RNF43: variants seen among roughly 807,000 people sequenced by gnomAD.
RNF43 encodes E3 ubiquitin-protein ligase RNF43.
In RNF43, 37 loss-of-function variants were observed where a neutral mutation model predicts 78.4. That is an observed-to-expected ratio of 0.47 (90% CI 0.36 to 0.62). The LOEUF is 0.62. Ranked by LOEUF, RNF43 falls within the 20% of genes least tolerant of loss-of-function variation. The pLI, the probability that RNF43 is intolerant of heterozygous loss-of-function variation, is 0.00. For synonymous variants in RNF43, 347 were observed against 395.0 expected, an observed-to-expected ratio of 0.88 and a Z score of 1.44; for missense variants, 774 against 1,007.9, an observed-to-expected ratio of 0.77 and a Z score of 3.14.
At chr17:58,362,420 T>C in intron 6 of RNF43, 124 bp downstream of exon 6, 1 of 583,666 alleles carries the variant, frequency 1.7e-6, no homozygotes, top group South Asian at 2.4e-5. Flanking sequence ...GACGCTGGGG[T>C]ATTTTGATGT....
intron 2 of RNF43, among the ~76,000 whole-genome samples, chr17:58,403,570 T>C (rs557333448): frequency 6.6e-6 from 1 of 152,280 alleles, no homozygotes; most frequent in South Asian, 2.1e-4. Context: ...GTGTCTACTG[T>C]ATGGCCCTCA....
chr17:58,409,485 A>G (rs973380745), intron 2 of RNF43, among the ~76,000 whole-genome samples: 1 of 152,244 alleles, frequency 6.6e-6, no homozygotes, highest in Admixed American at 6.5e-5. Flanking sequence ...CTTTCCAATG[A>G]ACAAAATGTA....
chr17:58,359,558 C>G (rs938895673), intron 8 of RNF43, among the ~76,000 whole-genome samples: 1 of 150,992 alleles, frequency 6.6e-6, no homozygotes, highest in Non-Finnish European at 1.5e-5. Flanking sequence ...GAGCCAAGAT[C>G]GCGCCACTGC....
rs1475113197 is a variant in RNF43 at position 58,357,671 on chromosome 17, C to T, written c.2105G>A (p.Gly702Glu). Residue 702 changes from glycine to glutamate, a missense_variant, in exon 9 of 10, where the codon GGA (glycine) becomes GAA (glutamate). Coordinates refer to ENST00000407977, the MANE Select transcript of RNF43 (RefSeq NM_017763.6). This position sits in a 1 kb window ranked among gnomAD's most constrained non-coding sequence, Gnocchi z 4.5. The stretch of plus-strand genomic sequence containing the variant: ...CAGCCTCTTGTCCAGGCCTGGAGGT[C>T]CACAGATCAAGGGGTGTGCCTCTGG... Reference protein sequence around the residue: ...WSPEAHPLICGPPGLDKRLLP... With the variant: ...WSPEAHPLICEPPGLDKRLLP... 2 of 1,613,122 alleles carry T rather than the reference C, an allele frequency of 1.2e-6. No homozygotes were observed. Among genetic ancestry groups the T allele is most frequent in the Admixed American group, 1.7e-5 (1 of 59,944 alleles).
intron 9 of RNF43, among the ~76,000 whole-genome samples, chr17:58,355,207 CA>C (rs1972663321): frequency 1.3e-5 from 2 of 152,276 alleles, no homozygotes; most frequent in South Asian, 4.1e-4. Context: ...AGTGTGTTAC[CA>C]ATACTTACTA....
chr17:58,380,469 A>G (rs756292484), intron 2 of RNF43, among the ~76,000 whole-genome samples: 1 of 152,194 alleles, frequency 6.6e-6, no homozygotes, highest in Non-Finnish European at 1.5e-5. Context: ...AACAGCCTTG[A>G]CACAGTTTGC....
chr17:58,391,313 C>T (rs1455498084), intron 2 of RNF43, among the ~76,000 whole-genome samples: 2 of 152,196 alleles, frequency 1.3e-5, no homozygotes, highest in Non-Finnish European at 2.9e-5. Context: ...TCAGGGATCC[C>T]ACCTCTCCAC....
downstream of RNF43, chr17:58,353,638 A>G (rs1159540402): frequency 4.8e-6 from 1 of 209,670 alleles, no homozygotes. Context: ...ACCCTGAGTG[A>G]CAGTCACGAC....
chr17:58,399,698 G>C (rs907666986), intron 2 of RNF43, among the ~76,000 whole-genome samples: 1 of 151,466 alleles, frequency 6.6e-6, no homozygotes, highest in Non-Finnish European at 1.5e-5. Context: ...CTGGAGTGCA[G>C]TGGTGCCATC....
chr17:58,416,550 T>G (rs1192330028), intron 1 of RNF43: 1 of 152,242 alleles, frequency 6.6e-6, no homozygotes, highest in African/African-American at 2.4e-5. Flanking sequence ...CATGAGATGC[T>G]TTTGGAAACT....
intron 3 of RNF43, among the ~76,000 whole-genome samples, chr17:58,367,234 C>G (rs532754555): frequency 6.6e-6 from 1 of 151,958 alleles, no homozygotes; most frequent in Non-Finnish European, 1.5e-5. Flanking sequence ...CTCCTGACCT[C>G]GTGATCCACC....
chr17:58,371,386 T>C (rs1416352762), intron 2 of RNF43, among the ~76,000 whole-genome samples: 3 of 152,222 alleles, frequency 2.0e-5, no homozygotes, highest in African/African-American at 4.8e-5. Flanking sequence ...CCCCAGCCTC[T>C]CTACCTCCTG....
chr17:58,409,398 C>T (rs1973977542), intron 2 of RNF43, among the ~76,000 whole-genome samples: 1 of 151,972 alleles, frequency 6.6e-6, no homozygotes, highest in African/African-American at 2.4e-5. Flanking sequence ...TCATCTATAA[C>T]ATTTTAAAAA....
In RNF43 at chr17:58,354,817, T is replaced by C. The variant is rs567956991; in HGVS notation, c.*126A>G. The stretch of plus-strand genomic sequence containing the variant: ...ATCACCAGTCCTCTTCCAGTGCTTC[T>C]AGGAAGTACGGCAAAAAGAATGGTG... On this transcript the variant is annotated 3_prime_UTR_variant, in exon 10 of 10. Transcript: ENST00000407977. The C allele has an allele frequency of 3.4e-6, 3 of 875,912 alleles. No homozygotes were observed. In the South Asian group the frequency reaches 4.2e-5, roughly 12 times the overall value. The allele number at this position is 875,912 out of a possible 1,614,324, so 54.3% of individuals were successfully genotyped here.
rs2143418928 is a variant in RNF43, at chr17:58,358,537, T to A, written c.1239A>T (p.Ala413=). ...QRLAGAQHPY[A]QGWGLSHLQS... ...GGAGGTGGCTCAGTCCCCAGCCTTG[T>A]GCATAGGGGTGCTGGGCTCCTGCCA... The change falls in exon 9 of 10, where the codon GCA becomes GCT. Residue 413 remains alanine, a synonymous_variant. Transcript: ENST00000407977. The surrounding 1 kb of genome is among the most constrained non-coding windows in gnomAD (Gnocchi z 6.2). 1 of 1,612,690 alleles carries A rather than the reference T, an allele frequency of 6.2e-7. No individual in the cohort carries two copies. The highest frequency in any genetic ancestry group is 8.5e-7 in the Non-Finnish European group (1 of 1,179,274).
chr17:58,383,713 G>A (rs1052311389), intron 2 of RNF43, among the ~76,000 whole-genome samples: 12 of 152,262 alleles, frequency 7.9e-5, no homozygotes, highest in Non-Finnish European at 1.5e-4. Context: ...CGCCTCCCGC[G>A]TTCAAGCGAT....
Position 58,415,531 on chromosome 17 carries a change from A to T in RNF43, c.47T>A (p.Leu16Gln), listed in dbSNP as rs765596578. 6.2e-7 allele frequency: 1 copy of T among 1,611,574 alleles called. No homozygotes were observed. Among genetic ancestry groups the T allele is most frequent in the Non-Finnish European group, 8.5e-7 (1 of 1,180,020 alleles). Residue 16 changes from leucine to glutamine, a missense_variant, in exon 2 of 10, where the codon CTG (leucine) becomes CAG (glutamine). Transcript: ENST00000407977. ...QLQLAALWPW[L>Q]LMATLQAGFG... ...GCCTGCCTGCAGGGTAGCCATCAGC[A>T]GCCAGGGCCAGAGGGCAGCCAGCTG...
intron 2 of RNF43, among the ~76,000 whole-genome samples, chr17:58,380,341 G>A (rs1026751187): frequency 2.6e-5 from 4 of 152,160 alleles, no homozygotes; most frequent in Non-Finnish European, 5.9e-5. Context: ...AATTCCCACA[G>A]GCCCAGGATA....
At chr17:58,396,408 G>C (rs971408751) in intron 2 of RNF43, among the ~76,000 whole-genome samples, 4 of 152,192 alleles carry the variant, frequency 2.6e-5, no homozygotes, top group African/African-American at 9.7e-5. Flanking sequence ...TGCTGAAACA[G>C]ATAAGCCTTA....
Sources: gnomAD v4.1 joint callset for allele counts (sites outside exome capture counted in the v4.1 genomes callset) on GRCh38, gnomAD v4.1.1 for gene constraint, Gnocchi (gnomAD v3.1) non-coding constraint, MANE v1.5 for transcripts, NCBI Gene and HGNC (gene_info 2026-07-23, HGNC 2026-07-21) for gene names.